Variants in ASIC2 observed in about 807,000 individuals in gnomAD.
ASIC2 encodes acid-sensing ion channel 2.
ASIC2 carries 25 observed loss-of-function variants against 57.3 expected under a neutral mutation model. The observed-to-expected ratio is 0.44, with a 90% CI of 0.32 to 0.61. The LOEUF is 0.61. Among genes scored for constraint, ASIC2 ranks in the 20% least tolerant of loss-of-function variants. The pLI is 0.06. For synonymous variants in ASIC2, 319 were observed against 307.5 expected, an observed-to-expected ratio of 1.04 and a Z score of -0.39; for missense variants, 641 against 738.1, an observed-to-expected ratio of 0.87 and a Z score of 1.52.
At chr17:33,107,552 C>T (rs55777843) in intron 2 of ASIC2, among the ~76,000 whole-genome samples, 14,020 of 152,198 alleles carry the variant, frequency 0.092, 798 homozygotes, top group Non-Finnish European at 0.13. Flanking sequence ...TTTAAAATGG[C>T]ATATTATCAC....
chr17:34,128,307 G>A (rs1034094334), intron 1 of ASIC2, among the ~76,000 whole-genome samples: 2 of 152,128 alleles, frequency 1.3e-5, no homozygotes, highest in Non-Finnish European at 2.9e-5. Flanking sequence ...TCAGCTCACT[G>A]AATTCCCAGG....
intron 1 of ASIC2, among the ~76,000 whole-genome samples, chr17:34,043,734 T>C (rs1908225062): frequency 6.6e-6 from 1 of 152,194 alleles, no homozygotes; most frequent in Non-Finnish European, 1.5e-5. Flanking sequence ...TATTAGTTTC[T>C]TTTCATAGAG....
intron 1 of ASIC2, among the ~76,000 whole-genome samples, chr17:33,133,787 A>G (rs997532977): frequency 1.3e-5 from 2 of 152,180 alleles, no homozygotes; most frequent in African/African-American, 4.8e-5. Flanking sequence ...ACTACCATCA[A>G]AAGGATAGAG....
intron 1 of ASIC2, among the ~76,000 whole-genome samples, chr17:34,145,939 T>C (rs1912405218): frequency 6.6e-6 from 1 of 152,130 alleles, no homozygotes; most frequent in Admixed American, 6.5e-5. Context: ...AAGTGAAGGC[T>C]GGTAGAAGGG....
At chr17:33,926,233 C>T (rs12952119) in intron 1 of ASIC2, among the ~76,000 whole-genome samples, 47,429 of 152,038 alleles carry the variant, frequency 0.31, 7,945 homozygotes, top group Admixed American at 0.39. Context: ...GAGCACTGTA[C>T]TAAGTGCTTT....
At chr17:34,051,956 C>G (rs1328762481) in intron 1 of ASIC2, among the ~76,000 whole-genome samples, 1 of 151,962 alleles carries the variant, frequency 6.6e-6, no homozygotes, top group Non-Finnish European at 1.5e-5. Context: ...ACATCTTGCC[C>G]TAAAATGGTT....
intron 1 of ASIC2, among the ~76,000 whole-genome samples, chr17:33,178,553 T>A (rs1385800989): frequency 1.3e-5 from 2 of 152,202 alleles, no homozygotes. Context: ...TATAGTCCAG[T>A]TGACAGGGAT....
At chr17:33,496,673 A>G (rs1214643126) in intron 1 of ASIC2, among the ~76,000 whole-genome samples, 3 of 124,502 alleles carry the variant, frequency 2.4e-5, no homozygotes, top group Non-Finnish European at 4.7e-5. Context: ...GCTGGAGTGC[A>G]GTGATGCGAA....
At chr17:33,210,606 C>T (rs1462520297) in intron 1 of ASIC2, among the ~76,000 whole-genome samples, 4 of 152,152 alleles carry the variant, frequency 2.6e-5, no homozygotes, top group African/African-American at 9.7e-5. Flanking sequence ...CTATTTGCAT[C>T]GCACATGCTG....
intron 1 of ASIC2, among the ~76,000 whole-genome samples, chr17:33,997,447 C>G (rs942791550): frequency 8.6e-5 from 13 of 151,394 alleles, no homozygotes; most frequent in Admixed American, 1.3e-4. Context: ...AGCCACCATG[C>G]CTGGCTCTAC....
intron 1 of ASIC2, among the ~76,000 whole-genome samples, chr17:33,901,839 G>A (rs529614172): frequency 6.6e-6 from 1 of 152,286 alleles, no homozygotes; most frequent in Non-Finnish European, 1.5e-5. Flanking sequence ...ATTCCAATCA[G>A]TAGTATAATG....
intron 1 of ASIC2, among the ~76,000 whole-genome samples, chr17:33,934,696 T>A (rs1433496126): frequency 6.6e-6 from 1 of 152,228 alleles, no homozygotes; most frequent in Non-Finnish European, 1.5e-5. Context: ...CCATTTGTCA[T>A]CTTAATCAAG....
At chr17:33,898,218 A>ATTT (rs1242866465) in intron 1 of ASIC2, among the ~76,000 whole-genome samples, 19 of 67,794 alleles carry the variant, frequency 2.8e-4, no homozygotes, top group East Asian at 5.8e-4. Flanking sequence ...TTCATGTATA[A>ATTT]TCTTTTTTTT....
intron 1 of ASIC2, among the ~76,000 whole-genome samples, chr17:33,783,420 T>G (rs1911516161): frequency 6.6e-6 from 1 of 152,256 alleles, no homozygotes; most frequent in South Asian, 2.1e-4. Context: ...TAACAGGGAC[T>G]AAAGGAATTC....
intron 1 of ASIC2, among the ~76,000 whole-genome samples, chr17:33,901,213 T>C (rs976199905): frequency 1.3e-5 from 2 of 152,210 alleles, no homozygotes; most frequent in African/African-American, 4.8e-5. Flanking sequence ...CTCTGGCTCA[T>C]CCATGCCTCT....
intron 1 of ASIC2, among the ~76,000 whole-genome samples, chr17:33,342,096 C>T (rs971860071): frequency 6.6e-6 from 1 of 152,166 alleles, no homozygotes; most frequent in Non-Finnish European, 1.5e-5. Context: ...GAGATCAATT[C>T]ACACCACTAT....
intron 1 of ASIC2, among the ~76,000 whole-genome samples, chr17:33,142,864 A>G (rs185958625): frequency 2.8e-3 from 423 of 152,336 alleles, no homozygotes; most frequent in Middle Eastern, 6.8e-3. Flanking sequence ...CGTAGATGGT[A>G]AATTTCCTTG....
At chr17:33,298,942 A>G (rs1905835971) in intron 1 of ASIC2, among the ~76,000 whole-genome samples, 1 of 152,236 alleles carries the variant, frequency 6.6e-6, no homozygotes, top group African/African-American at 2.4e-5. Context: ...ATAAAAGAGG[A>G]CACAAACAAA....
chr17:33,511,778 C>T (rs1914438305), intron 1 of ASIC2, among the ~76,000 whole-genome samples: 1 of 152,198 alleles, frequency 6.6e-6, no homozygotes, highest in African/African-American at 2.4e-5. Flanking sequence ...GTATTTAAAA[C>T]CTTTTCAACA....
Sources: gnomAD v4.1 joint callset for allele counts (sites outside exome capture counted in the v4.1 genomes callset) on GRCh38, gnomAD v4.1.1 for gene constraint, MANE v1.5 for transcripts, NCBI Gene and HGNC (gene_info 2026-07-23, HGNC 2026-07-21) for gene names.